The following ALK variants were observed in gnomAD, a reference collection of about 807,000 sequenced individuals.
ALK encodes the protein ALK tyrosine kinase receptor.
Under a neutral mutation model 163.1 loss-of-function variants are expected in ALK, and 74 were observed. The observed-to-expected ratio is 0.45, with a 90% CI of 0.38 to 0.55. The LOEUF (loss-of-function observed/expected upper bound fraction) is 0.55. ALK is among the 20% of genes least tolerant of loss of function. The pLI is 0.00. For missense variants in ALK, 2,063 were observed against 2,105.3 expected (o/e 0.98, Z 0.39); for synonymous variants, 960 against 843.2 (o/e 1.14, Z -2.40).
chr2:29,583,534 C>T (rs964200712), intron 3 of ALK, among the ~76,000 whole-genome samples: 4 of 152,060 alleles, frequency 2.6e-5, no homozygotes, highest in African/African-American at 9.7e-5. Context: ...TAATTCCAAC[C>T]TCTCTTGATC....
chr2:29,631,852 G>A (rs1676386604), intron 3 of ALK, among the ~76,000 whole-genome samples: 1 of 152,130 alleles, frequency 6.6e-6, no homozygotes, highest in Non-Finnish European at 1.5e-5. Context: ...CATATCCTCT[G>A]CTCTAGTGAC....
At chr2:29,355,820 A>T (rs1268681363) in intron 5 of ALK, among the ~76,000 whole-genome samples, 2 of 152,026 alleles carry the variant, frequency 1.3e-5, no homozygotes, top group Admixed American at 1.3e-4. Flanking sequence ...CTTAACTCCA[A>T]TGTTTAGGCT....
intron 2 of ALK, among the ~76,000 whole-genome samples, chr2:29,697,281 G>A (rs772557893): frequency 6.6e-6 from 1 of 152,182 alleles, no homozygotes. Context: ...CCAAGGCTAT[G>A]ACAATGAGTC....
intron 1 of ALK, among the ~76,000 whole-genome samples, chr2:29,847,530 G>T (rs1665878532): frequency 6.6e-6 from 1 of 152,136 alleles, no homozygotes; most frequent in Non-Finnish European, 1.5e-5. Context: ...AATTTTAAAA[G>T]GTTGGTCTAA....
chr2:29,399,374 T>C (rs1224858014), intron 4 of ALK, among the ~76,000 whole-genome samples: 2 of 152,184 alleles, frequency 1.3e-5, no homozygotes, highest in Admixed American at 6.5e-5. Context: ...GTACACTCTT[T>C]ACCATCTAAG....
chr2:29,860,947 G>A lies in ALK; in HGVS notation c.667+59046C>T, dbSNP rs1468060379. ...GTAATTTGGGAGGCCAAGGCAGGTG[G>A]ATTGCTTGAGCCCAGGAGTTCGAGA... On this transcript the variant is annotated intron_variant, in intron 1 of 28. Coordinates refer to ENST00000389048, the MANE Select transcript of ALK (RefSeq NM_004304.5). Among the ~76,000 whole-genome samples, 4 of 152,270 alleles carry A rather than the reference G, an allele frequency of 2.6e-5. No homozygotes were observed. The East Asian group carries it at 7.7e-4, about 29-fold the overall frequency.
At chr2:29,744,795 G>A (rs1487414312) in intron 1 of ALK, among the ~76,000 whole-genome samples, 1 of 151,858 alleles carries the variant, frequency 6.6e-6, no homozygotes, top group Non-Finnish European at 1.5e-5. Context: ...TTTACAACAC[G>A]GTTTCAAGAT....
At chr2:29,566,101 T>G (rs922447240) in intron 3 of ALK, among the ~76,000 whole-genome samples, 1 of 152,134 alleles carries the variant, frequency 6.6e-6, no homozygotes, top group African/African-American at 2.4e-5. Flanking sequence ...CAGGATGCCA[T>G]GTGAAGTTTG....
Position 29,246,950 on chromosome 2 carries a change from G to A in ALK, c.2204+4155C>T, listed in dbSNP as rs536206823. ...CTGCTGCCTCCAGCCTCGGCTCCCC[G>A]AGGCCAGCCTTGCCCGACTTCTCAT... is the stretch of plus-strand genomic sequence containing the variant. On this transcript the variant is annotated intron_variant, in intron 12 of 28. Coordinates refer to ENST00000389048, the MANE Select transcript of ALK (RefSeq NM_004304.5). This position sits in a 1 kb window ranked among gnomAD's most constrained non-coding sequence, Gnocchi z 4.3. Among the ~76,000 whole-genome samples, 5 of 152,284 alleles carry A rather than the reference G, an allele frequency of 3.3e-5. No individual in the cohort carries two copies. The South Asian group carries it at 1.0e-3, about 32-fold the overall frequency.
chr2:29,320,995 C>T (rs1391694741), intron 6 of ALK, 113 bp from the exon 7 acceptor site: 2 of 1,324,518 alleles, frequency 1.5e-6, no homozygotes, highest in Admixed American at 1.7e-5. Context: ...AGTAATATAG[C>T]TCCCCAGCCA....
At chr2:29,451,806 C>T (rs1359142665) in intron 4 of ALK, among the ~76,000 whole-genome samples, 1 of 152,068 alleles carries the variant, frequency 6.6e-6, no homozygotes, top group Non-Finnish European at 1.5e-5. Flanking sequence ...TTTGCGTATC[C>T]CCTAGAAACT....
At chr2:29,567,055 A>G (rs1674212403) in intron 3 of ALK, among the ~76,000 whole-genome samples, 1 of 152,214 alleles carries the variant, frequency 6.6e-6, no homozygotes, top group Non-Finnish European at 1.5e-5. Flanking sequence ...AACTTAAATT[A>G]TATAATTGAT....
intron 1 of ALK, among the ~76,000 whole-genome samples, chr2:29,875,928 T>G (rs1196358085): frequency 6.6e-6 from 1 of 152,240 alleles, no homozygotes; most frequent in Non-Finnish European, 1.5e-5. Context: ...TGATTTATAA[T>G]CCTTTGGGTA....
intron 2 of ALK, among the ~76,000 whole-genome samples, chr2:29,715,777 C>A (rs1048791593): frequency 1.8e-4 from 27 of 152,158 alleles, no homozygotes; most frequent in African/African-American, 6.3e-4. Flanking sequence ...ATCCAGATTT[C>A]AATTATTTAT....
intron 1 of ALK, among the ~76,000 whole-genome samples, chr2:29,730,340 T>C (rs920639261): frequency 2.6e-5 from 4 of 152,156 alleles, no homozygotes; most frequent in East Asian, 1.9e-4. Context: ...GCAAAGACTA[T>C]ACAGAATTAT....
At chr2:29,591,070 CAAAAAAAAAAAAAAA>C (rs35070273) in intron 3 of ALK, among the ~76,000 whole-genome samples, 5 of 46,914 alleles carry the variant, frequency 1.1e-4, no homozygotes, top group South Asian at 1.4e-3. Flanking sequence ...GACTCCGTCT[CAAAAAAAAAAAAAAA>C]AAAAAAAAAA....
At chr2:29,502,361 T>C (rs946550701) in intron 4 of ALK, among the ~76,000 whole-genome samples, 2 of 152,168 alleles carry the variant, frequency 1.3e-5, no homozygotes, top group African/African-American at 4.8e-5. Context: ...ATGAACCCAA[T>C]AAGCACTTGT....
chr2:29,361,272 G>A (rs80015033), intron 5 of ALK, among the ~76,000 whole-genome samples: 3,620 of 152,208 alleles, frequency 0.024, 153 homozygotes, highest in African/African-American at 0.083. Context: ...TTTAGTATCC[G>A]GGAAAAACAG....
intron 4 of ALK, among the ~76,000 whole-genome samples, chr2:29,441,351 C>T (rs146304748): frequency 4.6e-5 from 7 of 152,288 alleles, no homozygotes; most frequent in African/African-American, 1.7e-4. Flanking sequence ...TGCTAGGGCT[C>T]GGTGTCACTG....
Sources: gnomAD v4.1 joint callset for allele counts (sites outside exome capture counted in the v4.1 genomes callset) on GRCh38, gnomAD v4.1.1 for gene constraint, Gnocchi (gnomAD v3.1) non-coding constraint, MANE v1.5 for transcripts, NCBI Gene and HGNC (gene_info 2026-07-23, HGNC 2026-07-21) for gene names.